MATCAP2: variants seen among roughly 807,000 people sequenced by gnomAD.
MATCAP2 encodes putative tyrosine carboxypeptidase MATCAP2.
chr7:36,363,682 C>T, the MATCAP2 span, among the ~76,000 whole-genome samples: 1 of 152,136 alleles, frequency 6.6e-6, no homozygotes, highest in Non-Finnish European at 1.5e-5. Flanking sequence ...TGAATCTTGG[C>T]TCTGTTTATT....
At chr7:36,334,992 T>G in the MATCAP2 span, 2 of 1,518,804 alleles carry the variant, frequency 1.3e-6, no homozygotes, top group Non-Finnish European at 1.8e-6. Context: ...AGAACATTTC[T>G]TTAGAGCTAA....
the MATCAP2 span, chr7:36,366,874 C>A: frequency 6.8e-7 from 1 of 1,478,752 alleles, no homozygotes; most frequent in Non-Finnish European, 8.9e-7. Flanking sequence ...GACCCCGGTC[C>A]GCCCCGCACC....
the MATCAP2 span, among the ~76,000 whole-genome samples, chr7:36,329,059 T>C: frequency 6.6e-6 from 1 of 151,938 alleles, no homozygotes; most frequent in Admixed American, 6.6e-5. Context: ...AATAAATAAA[T>C]AAATAAAATT....
At chr7:36,354,093 T>A in the MATCAP2 span, among the ~76,000 whole-genome samples, 1 of 152,314 alleles carries the variant, frequency 6.6e-6, no homozygotes, top group African/African-American at 2.4e-5. Flanking sequence ...ATCTTGAGTT[T>A]CTGTCAAGTT....
chr7:36,389,819 G>C, the MATCAP2 span: 4 of 933,396 alleles, frequency 4.3e-6, no homozygotes, highest in Non-Finnish European at 6.3e-6. Flanking sequence ...GCGCATGCTC[G>C]CGGCTCGGCG....
chr7:36,356,500 C>T, the MATCAP2 span: 40 of 279,806 alleles, frequency 1.4e-4, no homozygotes, highest in East Asian at 3.3e-3. Context: ...GGGCAAAGAG[C>T]AAGAATCTGT....
the MATCAP2 span, among the ~76,000 whole-genome samples, chr7:36,372,109 G>A: frequency 6.6e-6 from 1 of 152,084 alleles, no homozygotes; most frequent in Non-Finnish European, 1.5e-5. Flanking sequence ...TTAAAAAGAG[G>A]TTTTTATCTT....
chr7:36,351,999 T>G, the MATCAP2 span, among the ~76,000 whole-genome samples: 3 of 151,518 alleles, frequency 2.0e-5, no homozygotes, highest in Admixed American at 2.0e-4. Flanking sequence ...AATAAGTTTT[T>G]CCACTCAAAT....
chr7:36,358,162 C>T, the MATCAP2 span, among the ~76,000 whole-genome samples: 1 of 151,598 alleles, frequency 6.6e-6, no homozygotes, highest in African/African-American at 2.4e-5. Flanking sequence ...CGCACCACTG[C>T]ACTCCAGCCT....
the MATCAP2 span, among the ~76,000 whole-genome samples, chr7:36,339,455 C>T: frequency 1.3e-5 from 2 of 152,178 alleles, no homozygotes; most frequent in Non-Finnish European, 2.9e-5. Context: ...TTTTTGGCCA[C>T]TTACCACCTT....
the MATCAP2 span, chr7:36,333,790 G>A: frequency 2.3e-6 from 3 of 1,316,124 alleles, no homozygotes; most frequent in South Asian, 4.6e-5. Context: ...CAGGGATTAG[G>A]ATATAAACAA....
chr7:36,359,847 C>T, the MATCAP2 span, among the ~76,000 whole-genome samples: 2 of 152,110 alleles, frequency 1.3e-5, no homozygotes, highest in Admixed American at 1.3e-4. Context: ...CCCAAATGCC[C>T]AGGAATAATG....
At chr7:36,352,336 G>A in the MATCAP2 span, among the ~76,000 whole-genome samples, 5 of 147,030 alleles carry the variant, frequency 3.4e-5, no homozygotes, top group Non-Finnish European at 4.5e-5. Context: ...AGCGGAGGTT[G>A]CAGTAAGCTG....
the MATCAP2 span, among the ~76,000 whole-genome samples, chr7:36,382,748 C>T: frequency 6.6e-6 from 1 of 152,198 alleles, no homozygotes; most frequent in South Asian, 2.1e-4. Context: ...CCGCCTTGGC[C>T]TCCCTAAGTG....
At chr7:36,333,776 G>A in the MATCAP2 span, 1 of 1,185,770 alleles carries the variant, frequency 8.4e-7, no homozygotes, top group Non-Finnish European at 1.2e-6. Flanking sequence ...TGAATTTTGT[G>A]ATTCAGGGAT....
chr7:36,378,852 C>T, the MATCAP2 span, among the ~76,000 whole-genome samples: 4,235 of 152,348 alleles, frequency 0.028, 132 homozygotes, highest in Non-Finnish European at 0.038. Context: ...AGTTCGATCT[C>T]GGACTGCTGT....
At chr7:36,368,505 A>C in the MATCAP2 span, 1 of 152,220 alleles carries the variant, frequency 6.6e-6, no homozygotes, top group Non-Finnish European at 1.5e-5. Context: ...TCCAGAATCT[A>C]GCCACTTGCT....
the MATCAP2 span, among the ~76,000 whole-genome samples, chr7:36,327,441 AT>A: frequency 1.3e-5 from 2 of 152,104 alleles, no homozygotes; most frequent in South Asian, 4.1e-4. Context: ...AGCCTAAAAG[AT>A]TATTTTAAAA....
the MATCAP2 span, among the ~76,000 whole-genome samples, chr7:36,354,609 A>T: frequency 6.6e-6 from 1 of 152,196 alleles, no homozygotes; most frequent in Non-Finnish European, 1.5e-5. Flanking sequence ...TTATCTAAGG[A>T]GGAGATGGAT....
Sources: gnomAD v4.1 joint callset for allele counts (sites outside exome capture counted in the v4.1 genomes callset) on GRCh38, gnomAD v4.1.1 for gene constraint, MANE v1.5 for transcripts, NCBI Gene and HGNC (gene_info 2026-07-23, HGNC 2026-07-21) for gene names.